CNTNAP2: variants seen among roughly 807,000 people sequenced by gnomAD.
CNTNAP2 encodes the protein contactin-associated protein-like 2.
In CNTNAP2, 98 loss-of-function variants were observed where a neutral mutation model predicts 155.2. The ratio of observed to expected loss-of-function variants is 0.63; its 90% CI spans 0.54 to 0.75. The LOEUF (loss-of-function observed/expected upper bound fraction) is 0.75. Among genes scored for constraint, CNTNAP2 ranks in the 30% least tolerant of loss-of-function variants. The probability of loss-of-function intolerance (pLI) is 0.00; values close to 1 mark genes in which losing one functional copy is unlikely to be tolerated. For synonymous variants in CNTNAP2, 651 were observed against 631.2 expected (o/e 1.03, Z -0.47); for missense variants, 1,727 against 1,688.1 (o/e 1.02, Z -0.40).
chr7:146,240,427 T>C (rs1184161385), intron 1 of CNTNAP2, among the ~76,000 whole-genome samples: 2 of 152,040 alleles, frequency 1.3e-5, no homozygotes, highest in African/African-American at 2.4e-5. Flanking sequence ...TGAGTCTTTT[T>C]TCAGAGAAGA....
At chr7:147,414,748 T>C (rs545706234) in intron 10 of CNTNAP2, among the ~76,000 whole-genome samples, 2 of 151,932 alleles carry the variant, frequency 1.3e-5, no homozygotes, top group East Asian at 3.9e-4. Flanking sequence ...GAGACTATCC[T>C]GGCTAACAAG....
intron 13 of CNTNAP2, among the ~76,000 whole-genome samples, chr7:147,802,256 A>G (rs1363025228): frequency 5.7e-5 from 7 of 121,828 alleles, no homozygotes; most frequent in South Asian, 5.7e-4. Context: ...CCCAGATGGG[A>G]TGGCGGCCGG....
chr7:147,497,703 T>C (rs780748433), intron 11 of CNTNAP2, among the ~76,000 whole-genome samples: 22 of 152,198 alleles, frequency 1.4e-4, no homozygotes, highest in Non-Finnish European at 3.1e-4. Context: ...AAGCATTTGA[T>C]GGAAACATAT....
At chr7:146,253,737 C>G (rs75781118) in intron 1 of CNTNAP2, among the ~76,000 whole-genome samples, 1 of 152,076 alleles carries the variant, frequency 6.6e-6, no homozygotes, top group Non-Finnish European at 1.5e-5. Context: ...AAAATTGCTT[C>G]GTCAAACTGT....
intron 12 of CNTNAP2, among the ~76,000 whole-genome samples, chr7:147,591,016 A>T (rs369025806): frequency 2.0e-5 from 3 of 152,180 alleles, no homozygotes; most frequent in African/African-American, 7.2e-5. Context: ...TTGCCAATCT[A>T]AATTTATCAT....
chr7:148,405,889 A>T (rs1229999712), intron 22 of CNTNAP2, among the ~76,000 whole-genome samples: 2 of 151,790 alleles, frequency 1.3e-5, no homozygotes. Context: ...CTGGCCTACC[A>T]TTGTAATTTT....
intron 1 of CNTNAP2, among the ~76,000 whole-genome samples, chr7:146,125,493 G>A (rs1797620905): frequency 1.3e-5 from 2 of 149,392 alleles, no homozygotes; most frequent in South Asian, 4.2e-4. Flanking sequence ...GGAGAATGGC[G>A]TGAACCCAGG....
chr7:146,926,519 A>G (rs1796612758), intron 3 of CNTNAP2, among the ~76,000 whole-genome samples: 1 of 152,114 alleles, frequency 6.6e-6, no homozygotes, highest in South Asian at 2.1e-4. Flanking sequence ...CAAATTACAG[A>G]TCCTCAATAA....
intron 4 of CNTNAP2, among the ~76,000 whole-genome samples, chr7:147,051,340 A>G (rs1799470606): frequency 6.6e-6 from 1 of 151,924 alleles, no homozygotes; most frequent in Admixed American, 6.6e-5. Flanking sequence ...AGATACTTAT[A>G]TTTTGTGTTT....
At chr7:148,248,201 TA>T (rs1157966452) in intron 20 of CNTNAP2, among the ~76,000 whole-genome samples, 1 of 112,436 alleles carries the variant, frequency 8.9e-6, no homozygotes, top group East Asian at 3.1e-4. Flanking sequence ...ACCTGTTCTA[TA>T]ATTTTTTTTT....
intron 1 of CNTNAP2, among the ~76,000 whole-genome samples, chr7:146,239,081 G>A (rs1340001360): frequency 6.6e-6 from 1 of 152,158 alleles, no homozygotes; most frequent in Non-Finnish European, 1.5e-5. Flanking sequence ...GTAGTTTAGG[G>A]TAGATATGTG....
chr7:147,224,449 C>T (rs2116601872), intron 8 of CNTNAP2, among the ~76,000 whole-genome samples: 1 of 152,198 alleles, frequency 6.6e-6, no homozygotes, highest in South Asian at 2.1e-4. Context: ...AAAATATTTA[C>T]TATAACCCTT....
chr7:146,405,449 G>T (rs1183340983), intron 1 of CNTNAP2, among the ~76,000 whole-genome samples: 3 of 152,128 alleles, frequency 2.0e-5, no homozygotes, highest in African/African-American at 7.2e-5. Flanking sequence ...AAGTTTTCTG[G>T]TAGATATAGC....
At chr7:148,301,306 A>AAAAAAATATATATATATAT in intron 21 of CNTNAP2, among the ~76,000 whole-genome samples, 2 of 103,868 alleles carry the variant, frequency 1.9e-5, no homozygotes, top group African/African-American at 7.5e-5. Flanking sequence ...AAAAAAAAAA[A>AAAAAAATATATATATATAT]ATATATATAT....
chr7:147,864,365 G>A (rs1799189482), intron 13 of CNTNAP2, among the ~76,000 whole-genome samples: 1 of 152,122 alleles, frequency 6.6e-6, no homozygotes, highest in Non-Finnish European at 1.5e-5. Flanking sequence ...GTAGCATGAT[G>A]CCTCCAGTTT....
At chr7:147,479,065 C>G (rs1798373620) in intron 10 of CNTNAP2, among the ~76,000 whole-genome samples, 1 of 152,180 alleles carries the variant, frequency 6.6e-6, no homozygotes, top group African/African-American at 2.4e-5. Flanking sequence ...TTCCTGTGTG[C>G]AGACTTTCTT....
At chr7:147,070,659 A>G (rs191760210) in intron 4 of CNTNAP2, among the ~76,000 whole-genome samples, 39 of 152,344 alleles carry the variant, frequency 2.6e-4, no homozygotes, top group African/African-American at 9.4e-4. Context: ...TGAAAGAGTC[A>G]TATAGCCTTG....
chr7:148,239,497 G>A (rs1796106543), intron 20 of CNTNAP2, among the ~76,000 whole-genome samples: 1 of 152,116 alleles, frequency 6.6e-6, no homozygotes, highest in Non-Finnish European at 1.5e-5. Context: ...ATATTTCTAT[G>A]TATCCAGAGA....
intron 3 of CNTNAP2, among the ~76,000 whole-genome samples, chr7:147,001,967 G>A (rs1297770436): frequency 2.0e-5 from 3 of 151,936 alleles, no homozygotes; most frequent in Admixed American, 6.6e-5. Context: ...AATTAAAAAT[G>A]TAATAGGAGA....
Sources: allele counts gnomAD v4.1 joint callset (sites outside exome capture counted in the v4.1 genomes callset), GRCh38; gene constraint gnomAD v4.1.1; transcripts MANE v1.5; gene names NCBI Gene and HGNC (gene_info 2026-07-23, HGNC 2026-07-21).